Variants in RNLS observed in about 807,000 individuals in gnomAD.
The protein encoded by RNLS is renalase, FAD dependent amine oxidase, also known as renalase.
A neutral mutation model predicts 39.8 loss-of-function variants in RNLS; 39 were observed. The ratio of observed to expected loss-of-function variants is 0.98; its 90% confidence interval spans 0.76 to 1.28. The LOEUF is 1.28. Ranked by LOEUF, RNLS falls within the 50% of genes most tolerant of loss-of-function variation. The probability of loss-of-function intolerance (pLI) is 0.00; values close to 1 mark genes in which losing one functional copy is unlikely to be tolerated. For synonymous variants in RNLS, 147 were observed against 150.7 expected, an observed-to-expected ratio of 0.98 and a Z score of 0.18; for missense variants, 410 against 413.3, an observed-to-expected ratio of 0.99 and a Z score of 0.07.
intron 4 of RNLS, among the ~76,000 whole-genome samples, chr10:88,539,285 A>T (rs1288174801): frequency 6.6e-6 from 1 of 152,206 alleles, no homozygotes; most frequent in Non-Finnish European, 1.5e-5. Context: ...TTACTTTCAC[A>T]TATAGTATGC....
At chr10:88,223,499 ACGATC>A in the RNLS span, among the ~76,000 whole-genome samples, 1 of 152,352 alleles carries the variant, frequency 6.6e-6, no homozygotes, top group African/African-American at 2.4e-5. Flanking sequence ...TATTTGAAAC[ACGATC>A]TTCATGTTGC....
At chr10:88,533,309 A>AATAAAAGG (rs1437805754) in intron 4 of RNLS, among the ~76,000 whole-genome samples, 1 of 152,080 alleles carries the variant, frequency 6.6e-6, no homozygotes, top group East Asian at 1.9e-4. Flanking sequence ...CTGAGGATAG[A>AATAAAAGG]ATAAAAGGAT....
chr10:88,553,384 C>T (rs1243020581), intron 4 of RNLS, among the ~76,000 whole-genome samples: 1 of 152,154 alleles, frequency 6.6e-6, no homozygotes, highest in African/African-American at 2.4e-5. Context: ...GTGTGTCCTG[C>T]AGTCTGAGAG....
At chr10:88,322,039 A>G (rs1846220969) in intron 5 of RNLS, among the ~76,000 whole-genome samples, 1 of 152,176 alleles carries the variant, frequency 6.6e-6, no homozygotes, top group Non-Finnish European at 1.5e-5. Flanking sequence ...CACAGACACA[A>G]ACATTCTTAA....
At chr10:88,388,664 C>CCTT (rs1015734351) in intron 4 of RNLS, among the ~76,000 whole-genome samples, 40 of 152,132 alleles carry the variant, frequency 2.6e-4, no homozygotes, top group African/African-American at 9.4e-4. Context: ...GTGAGAGTTC[C>CCTT]CTTCATTCTC....
intron 4 of RNLS, among the ~76,000 whole-genome samples, chr10:88,508,976 T>A (rs1845942528): frequency 6.6e-6 from 1 of 151,934 alleles, no homozygotes; most frequent in African/African-American, 2.4e-5. Context: ...TTAGAATGAC[T>A]ACTTTTTCTT....
intron 4 of RNLS, among the ~76,000 whole-genome samples, chr10:88,537,625 T>G (rs1847830685): frequency 6.6e-6 from 1 of 152,106 alleles, no homozygotes; most frequent in Admixed American, 6.6e-5. Flanking sequence ...TTGATTTCAT[T>G]TAAATGAAGC....
intron 4 of RNLS, among the ~76,000 whole-genome samples, chr10:88,407,005 G>A (rs1198079600): frequency 1.3e-5 from 2 of 152,020 alleles, no homozygotes; most frequent in East Asian, 1.9e-4. Context: ...CTATAAGGAC[G>A]CAAAGGCATA....
intron 6 of RNLS, among the ~76,000 whole-genome samples, chr10:88,300,383 C>G (rs1589493603): frequency 1.3e-5 from 2 of 152,272 alleles, no homozygotes; most frequent in Non-Finnish European, 1.5e-5. Context: ...TGGCAAAGAC[C>G]AAGTTCAATT....
intron 4 of RNLS, among the ~76,000 whole-genome samples, chr10:88,386,050 ACT>A (rs1346968853): frequency 6.6e-6 from 1 of 151,838 alleles, no homozygotes; most frequent in Non-Finnish European, 1.5e-5. Flanking sequence ...TAAGGAGGAA[ACT>A]CTGTGGTTAA....
At chr10:88,365,675 C>T (rs1227635605) in intron 4 of RNLS, among the ~76,000 whole-genome samples, 1 of 151,728 alleles carries the variant, frequency 6.6e-6, no homozygotes, top group Non-Finnish European at 1.5e-5. Flanking sequence ...CAGAGTAGTT[C>T]ACATGCATAC....
chr10:88,359,280 C>T (rs189399829), intron 5 of RNLS, among the ~76,000 whole-genome samples: 28 of 151,140 alleles, frequency 1.9e-4, no homozygotes, highest in African/African-American at 6.3e-4. Flanking sequence ...CTTGCCACTA[C>T]ACTACAGCCT....
At chr10:88,483,282 C>T (rs918533348) in intron 4 of RNLS, among the ~76,000 whole-genome samples, 3 of 152,132 alleles carry the variant, frequency 2.0e-5, no homozygotes, top group Non-Finnish European at 2.9e-5. Context: ...GGCTTTACAA[C>T]CCCTTTTGGG....
intron 4 of RNLS, among the ~76,000 whole-genome samples, chr10:88,430,509 A>AC (rs993869416): frequency 1.3e-5 from 2 of 151,704 alleles, no homozygotes; most frequent in Non-Finnish European, 3.0e-5. Context: ...GTACTGTCTA[A>AC]CCCCCCTAGT....
At chr10:88,502,548 C>A (rs1845562815) in intron 4 of RNLS, among the ~76,000 whole-genome samples, 1 of 152,230 alleles carries the variant, frequency 6.6e-6, no homozygotes, top group East Asian at 1.9e-4. Flanking sequence ...ATGTAGCTGC[C>A]CAGTCTTGGA....
chr10:88,525,736 G>A (rs1283006384), intron 4 of RNLS, among the ~76,000 whole-genome samples: 1 of 152,126 alleles, frequency 6.6e-6, no homozygotes, highest in East Asian at 1.9e-4. Flanking sequence ...AGGTGGTAAA[G>A]AATATTACTT....
chr10:88,225,387 A>G, the RNLS span, among the ~76,000 whole-genome samples: 4 of 152,164 alleles, frequency 2.6e-5, no homozygotes, highest in Non-Finnish European at 5.9e-5. Flanking sequence ...CCTTTTCTCA[A>G]TTCCCTTCTC....
At chr10:88,533,627 T>G (rs1448436466) in intron 4 of RNLS, among the ~76,000 whole-genome samples, 1 of 152,044 alleles carries the variant, frequency 6.6e-6, no homozygotes, top group Non-Finnish European at 1.5e-5. Flanking sequence ...TGGAGTGAAG[T>G]GGGATTTGAC....
At chr10:88,526,496 C>G (rs1389881641) in intron 4 of RNLS, among the ~76,000 whole-genome samples, 1 of 152,044 alleles carries the variant, frequency 6.6e-6, no homozygotes, top group Non-Finnish European at 1.5e-5. Flanking sequence ...GGCACGCTAG[C>G]TCAGGTCTGT....
Sources: gnomAD v4.1 joint callset for allele counts (sites outside exome capture counted in the v4.1 genomes callset) on GRCh38, gnomAD v4.1.1 for gene constraint, MANE v1.5 for transcripts, NCBI Gene and HGNC (gene_info 2026-07-23, HGNC 2026-07-21) for gene names.